POTEG: variants seen among roughly 807,000 people sequenced by gnomAD.
The protein encoded by POTEG is POTE ankyrin domain family member G, also known as ANKRD26-like family C member 2.
A neutral mutation model predicts 49.6 loss-of-function variants in POTEG; 2 were observed. That is an observed-to-expected ratio of 0.04 (90% CI 0.02 to 0.13). The LOEUF (loss-of-function observed/expected upper bound fraction) is 0.13. Ranked by LOEUF, POTEG falls within the 10% of genes least tolerant of loss-of-function variation. The probability of loss-of-function intolerance (pLI) is 1.00; values close to 1 mark genes in which losing one functional copy is unlikely to be tolerated. For synonymous variants in POTEG, 7 were observed against 186.6 expected (o/e 0.04, Z 7.84); for missense variants, 26 against 545.2 (o/e 0.05, Z 9.48).
Position 19,428,677 on chromosome 14 carries a change from C to T in POTEG, c.675G>A (p.Leu225=). 7.6e-6 allele frequency: 10 copies of T among 1,318,516 alleles called. 4 individuals are homozygous for T. The highest frequency in any genetic ancestry group is 1.0e-5 in the Non-Finnish European group (10 of 983,558). 81.7% of individuals were successfully genotyped at this position (1,318,516 alleles called of 1,614,324 possible). ...QCREDECALM[L]LEHGTDPNIP... is the part of the protein sequence containing the mutation. ...TATTCGGATCAGTGCCATGTTCCAG[C>T]AACATTAACGCACATTCATCTTCCC... is the stretch of plus-strand genomic sequence containing the variant. Residue 225 remains leucine (L), a synonymous_variant, in exon 3 of 11, where the codon TTG becomes TTA. Transcript: ENST00000547848.
At chr14:19,432,357 A>T (rs113296775) in intron 1 of POTEG, among the ~76,000 whole-genome samples, 1 of 66,698 alleles carries the variant, frequency 1.5e-5, no homozygotes, top group Non-Finnish European at 3.3e-5. Context: ...AAAAAAAAAA[A>T]GAAATTTTGT....
chr14:19,410,273 CAA>C (rs1229022860), intron 9 of POTEG, among the ~76,000 whole-genome samples: 292 of 67,456 alleles, frequency 4.3e-3, no homozygotes, highest in East Asian at 0.012. Flanking sequence ...TGTGAAGTGT[CAA>C]GAGAGAGAGA....
rs1177820504 is a variant in POTEG at position 19,415,427 on chromosome 14, T to A, written c.1198-821A>T. ...CTGAGGTCAATGAGAGACCACAACC[T>A]TAGTATCAGTGACTGACAATATAAA... On this transcript the variant is annotated intron_variant, in intron 7 of 10. Coordinates refer to ENST00000547848, the MANE Select transcript of POTEG (RefSeq NM_001005356.3). 1.0e-4 allele frequency among the ~76,000 whole-genome samples: 15 copies of A among 145,150 alleles called. 3 individuals carry two copies. The South Asian group carries it at 1.1e-3, about 11-fold the overall frequency.
At chr14:19,431,279 C>T (rs1240442040) in intron 1 of POTEG, among the ~76,000 whole-genome samples, 8 of 152,158 alleles carry the variant, frequency 5.3e-5, no homozygotes. Flanking sequence ...GTCGACATAT[C>T]TCTATGTACT....
Position 19,434,055 on chromosome 14 carries a change from T to G in POTEG, c.235A>C (p.Asn79His). The change falls in exon 1 of 11, where the codon AAC becomes CAC. Residue 79 changes from asparagine (N) to histidine (H), a missense_variant. Coordinates refer to ENST00000547848, the MANE Select transcript of POTEG (RefSeq NM_001005356.3). Reference sequence around the variant, plus strand: ...TCGTGGTCTCCAGAAGTGCCCACGTTGCTCTTGCTGCTCCCCCTGCACCAG... The same window carrying G: ...TCGTGGTCTCCAGAAGTGCCCACGTGGCTCTTGCTGCTCCCCCTGCACCAG... ...FPWCRGSSKS[N>H]VGTSGDHDDS... 1.6e-6 allele frequency: 2 copies of G among 1,261,420 alleles called. No homozygotes were observed. Among genetic ancestry groups the G allele is most frequent in the South Asian group, 3.3e-5 (2 of 60,094 alleles). 78.1% of individuals were successfully genotyped at this position (1,261,420 alleles called of 1,614,324 possible).
intron 1 of POTEG, among the ~76,000 whole-genome samples, chr14:19,432,344 TC>T (rs1434090789): frequency 1.1e-4 from 3 of 27,356 alleles, no homozygotes; most frequent in African/African-American, 2.8e-4. Context: ...TGAGACTCCA[TC>T]AAAAAAAAAA....
chr14:19,432,364 T>TTTATTTATATA (rs1566383045), intron 1 of POTEG, among the ~76,000 whole-genome samples: 31 of 42,894 alleles, frequency 7.2e-4, no homozygotes, highest in African/African-American at 2.3e-3. Flanking sequence ...AAAAGAAATT[T>TTTATTTATATA]TGTATATATA....
chr14:19,432,713 T>TGTTTTATTCA, intron 1 of POTEG, among the ~76,000 whole-genome samples: 1 of 79,346 alleles, frequency 1.3e-5, no homozygotes, highest in Non-Finnish European at 2.4e-5. Context: ...TTTCCTGTTC[T>TGTTTTATTCA]GTTTTATTCA....
chr14:19,415,761 G>A (rs1248692491), intron 7 of POTEG, among the ~76,000 whole-genome samples: 1 of 151,368 alleles, frequency 6.6e-6, no homozygotes, highest in African/African-American at 2.4e-5. Context: ...TATTAAATTA[G>A]AATCTATTGA....
At chr14:19,433,204 G>C (rs1884234048) in intron 1 of POTEG, among the ~76,000 whole-genome samples, 1 of 145,290 alleles carries the variant, frequency 6.9e-6, no homozygotes, top group African/African-American at 2.6e-5. Flanking sequence ...TGGGATTACA[G>C]GTGTGAGCCA....
chr14:19,423,269 AC>A (rs1883808649), intron 5 of POTEG: 1 of 32,600 alleles, frequency 3.1e-5, no homozygotes, highest in Non-Finnish European at 8.9e-5. Flanking sequence ...TCTTTCTGCC[AC>A]CCCTCTGACC....
chr14:19,419,017 CAAAAA>C (rs1883658557), intron 6 of POTEG, among the ~76,000 whole-genome samples: 2 of 106,934 alleles, frequency 1.9e-5, no homozygotes, highest in East Asian at 8.2e-4. Flanking sequence ...AAAAAAAAAA[CAAAAA>C]CAAAGGCCAA....
At chr14:19,432,103 C>T (rs182486618) in intron 1 of POTEG, among the ~76,000 whole-genome samples, 91 of 37,738 alleles carry the variant, frequency 2.4e-3, no homozygotes, top group Middle Eastern at 7.0e-3. Context: ...AACCACAGCA[C>T]TTTGGGAGGC....
intron 4 of POTEG, 151 bp from the exon 5 acceptor site, chr14:19,424,453 T>C (rs368061099): frequency 2.1e-5 from 8 of 380,008 alleles, no homozygotes; most frequent in East Asian, 7.3e-5. Flanking sequence ...GTGTTCATAT[T>C]TGTAAAATAC....
chr14:19,420,682 T>C (rs1412150503), intron 6 of POTEG, among the ~76,000 whole-genome samples: 2 of 149,276 alleles, frequency 1.3e-5, no homozygotes, highest in African/African-American at 4.9e-5. Flanking sequence ...GTTTGGACTA[T>C]ACAATGTATT....
chr14:19,426,317 T>A (rs1256533193), intron 3 of POTEG, among the ~76,000 whole-genome samples: 2 of 139,056 alleles, frequency 1.4e-5, no homozygotes, highest in African/African-American at 5.2e-5. Flanking sequence ...AGAATTTCTA[T>A]CTGTATTCTT....
At chr14:19,415,829 ATTTTTTTTTTTTT>A (rs58833974) in intron 7 of POTEG, among the ~76,000 whole-genome samples, 3 of 96,700 alleles carry the variant, frequency 3.1e-5, no homozygotes, top group African/African-American at 9.1e-5. Context: ...ATCTATTAAA[ATTTTTTTTTTTTT>A]TTTTTTTTTT....
intron 6 of POTEG, among the ~76,000 whole-genome samples, chr14:19,419,885 T>G (rs1883685071): frequency 7.2e-6 from 1 of 139,154 alleles, no homozygotes; most frequent in South Asian, 2.4e-4. Flanking sequence ...TCCAAAGCAT[T>G]CTACCTGGTA....
chr14:19,426,854 A>AAAAATT (rs1883971456), intron 3 of POTEG: 1 of 415,914 alleles, frequency 2.4e-6, no homozygotes, highest in Non-Finnish European at 4.6e-6. Flanking sequence ...AAATAAAAAT[A>AAAAATT]AAAATAAAAA....
Sources: allele counts gnomAD v4.1 joint callset (sites outside exome capture counted in the v4.1 genomes callset), GRCh38; gene constraint gnomAD v4.1.1; transcripts MANE v1.5; gene names NCBI Gene and HGNC (gene_info 2026-07-23, HGNC 2026-07-21).